GPAM: variants seen among roughly 807,000 people sequenced by gnomAD.
The protein encoded by GPAM is glycerol-3-phosphate acyltransferase, mitochondrial.
GPAM carries 56 observed loss-of-function variants against 105.0 expected under a neutral mutation model. The ratio of observed to expected loss-of-function variants is 0.53; its 90% confidence interval spans 0.43 to 0.67. The LOEUF is 0.67. GPAM is among the 30% of genes least tolerant of loss of function. The pLI is 0.00. For missense variants in GPAM, 855 were observed against 989.8 expected, an observed-to-expected ratio of 0.86 and a Z score of 1.83; for synonymous variants, 368 against 354.4, an observed-to-expected ratio of 1.04 and a Z score of -0.43.
upstream of GPAM, among the ~76,000 whole-genome samples, chr10:112,218,954 T>G (rs149293568): frequency 1.3e-5 from 2 of 152,232 alleles, no homozygotes; most frequent in Non-Finnish European, 2.9e-5. Context: ...GCGTCTTTAC[T>G]GCATCCTGTT....
At chr10:112,176,335 TCA>T (rs1163196733) in intron 5 of GPAM, among the ~76,000 whole-genome samples, 3 of 152,218 alleles carry the variant, frequency 2.0e-5, no homozygotes, top group Non-Finnish European at 4.4e-5. Context: ...CATATTCCTG[TCA>T]GTTATAAATG....
rs1846942703 is a variant in GPAM at position 112,152,743 on chromosome 10, G to A, written c.*807C>T. On this transcript the variant is annotated 3_prime_UTR_variant, in exon 22 of 22. Coordinates refer to ENST00000348367, the MANE Select transcript of GPAM (RefSeq NM_001244949.2). ...CGAGGTACAGACATAAAACAGGAAG[G>A]GTTCTAAATATATTTGCTGGTCATT... 1 of 953,114 alleles carries A rather than the reference G, an allele frequency of 1.0e-6. No individual in the cohort carries two copies. The highest frequency in any genetic ancestry group is 6.2e-5 in the Admixed American group (1 of 16,224). The allele number at this position is 953,114 out of a possible 1,614,324, so 59.0% of individuals were successfully genotyped here.
chr10:112,163,837 C>T, intron 13 of GPAM, 21 bp from the exon 14 acceptor site: 1 of 1,180,766 alleles, frequency 8.5e-7, no homozygotes, highest in Non-Finnish European at 1.3e-6. Context: ...TTTCAAAAAT[C>T]AACACACAAC....
intron 12 of GPAM, 140 bp from the exon 13 acceptor site, chr10:112,164,750 C>A: frequency 1.5e-6 from 1 of 660,956 alleles, no homozygotes; most frequent in Non-Finnish European, 2.7e-6. Context: ...CTTTCTATAT[C>A]CTAAACTGTC....
At chr10:112,220,679 G>T in the GPAM span, among the ~76,000 whole-genome samples, 1 of 152,080 alleles carries the variant, frequency 6.6e-6, no homozygotes, top group Non-Finnish European at 1.5e-5. Context: ...CTTTGCTGCA[G>T]CTATCTTCTG....
chr10:112,214,808 C>T (rs560527166), intron 1 of GPAM, among the ~76,000 whole-genome samples: 1 of 152,318 alleles, frequency 6.6e-6, no homozygotes, highest in Non-Finnish European at 1.5e-5. Context: ...TTTTCATAAA[C>T]TGTCCAAAAC....
chr10:112,224,900 A>G, the GPAM span, among the ~76,000 whole-genome samples: 43 of 152,194 alleles, frequency 2.8e-4, no homozygotes, highest in African/African-American at 9.9e-4. Context: ...CTCCAGGATC[A>G]CCTCTTTGTT....
chr10:112,178,145 A>G, intron 4 of GPAM, 88 bp from the exon 5 acceptor site: 1 of 737,370 alleles, frequency 1.4e-6, no homozygotes, highest in East Asian at 2.5e-5. Context: ...TAACTTTAAT[A>G]TCAAGCATAA....
chr10:112,190,827 T>C (rs1280833562), intron 1 of GPAM, among the ~76,000 whole-genome samples: 2 of 152,172 alleles, frequency 1.3e-5, no homozygotes, highest in South Asian at 4.1e-4. Flanking sequence ...TTCCTTCTTT[T>C]AGAGAAGGCA....
intron 1 of GPAM, among the ~76,000 whole-genome samples, chr10:112,208,777 C>G (rs1055573671): frequency 3.3e-5 from 5 of 152,216 alleles, no homozygotes; most frequent in Admixed American, 1.3e-4. Context: ...TGCCAATCAA[C>G]TAACCCCATC....
At chr10:112,217,855 C>G (rs985621891), upstream of GPAM, among the ~76,000 whole-genome samples, 1 of 152,202 alleles carries the variant, frequency 6.6e-6, no homozygotes, top group African/African-American at 2.4e-5. Flanking sequence ...TCTTCACACA[C>G]AAAACAGGTC....
chr10:112,169,254 G>A (rs1239953581), intron 9 of GPAM, among the ~76,000 whole-genome samples: 1 of 152,100 alleles, frequency 6.6e-6, no homozygotes, highest in African/African-American at 2.4e-5. Flanking sequence ...ATTTTAAGAG[G>A]ATTATAGAAC....
At chr10:112,163,914 A>G in intron 13 of GPAM, 98 bp from the exon 14 acceptor site, 1 of 709,778 alleles carries the variant, frequency 1.4e-6, no homozygotes, top group Non-Finnish European at 2.6e-6. Flanking sequence ...TTAAATTACT[A>G]TATATTTTAA....
chr10:112,153,675 A>G lies in GPAM; in HGVS notation c.2371-9T>C. On this transcript the variant is annotated splice_polypyrimidine_tract_variant and intron_variant, in intron 21 of 21. Coordinates refer to ENST00000348367, the MANE Select transcript of GPAM (RefSeq NM_001244949.2). Reference sequence around the variant, plus strand: ...TTGGTCTCCTTGAAAACCTAAAGAAAAGGTTTAGATTAAATTAAAGGCAAA... The same window carrying G: ...TTGGTCTCCTTGAAAACCTAAAGAAGAGGTTTAGATTAAATTAAAGGCAAA... 1 of 1,607,364 alleles carries G rather than the reference A, an allele frequency of 6.2e-7. No homozygotes were observed. The highest frequency in any genetic ancestry group is 1.1e-5 in the South Asian group (1 of 90,908).
chr10:112,155,866 T>C lies in GPAM; in HGVS notation c.2309A>G (p.Tyr770Cys). ...ITRTERNVAV[Y>C]AESATYCLVK... ...GAATAAATAGTGACTTAACATACCA[T>C]ATACTGCAACATTTCTTTCTGTTCT... Residue 770 changes from tyrosine to cysteine, a missense_variant and splice_region_variant, in exon 20 of 22, where the codon TAT becomes TGT. Transcript: ENST00000348367. 2 of 1,516,320 alleles carry C rather than the reference T, an allele frequency of 1.3e-6. No homozygotes were observed. Among genetic ancestry groups the C allele is most frequent in the Non-Finnish European group, 1.8e-6 (2 of 1,092,574 alleles). 93.9% of individuals were successfully genotyped at this position (1,516,320 alleles called of 1,614,324 possible). A position where few individuals can be genotyped will look rare whatever the true frequency, so the allele number is the denominator to read the frequency against.
chr10:112,217,744 G>C (rs1003692528), upstream of GPAM, among the ~76,000 whole-genome samples: 1 of 152,148 alleles, frequency 6.6e-6, no homozygotes. Flanking sequence ...CCCTTTCAAA[G>C]ATGAGGTGCT....
At chr10:112,154,509 T>C in intron 21 of GPAM, 120 bp downstream of exon 21, 1 of 765,092 alleles carries the variant, frequency 1.3e-6, no homozygotes, top group South Asian at 1.5e-5. Context: ...CCTTTATCAT[T>C]AAGCCAGCAG....
At chr10:112,219,645 T>C (rs1368384098), upstream of GPAM, among the ~76,000 whole-genome samples, 1 of 152,248 alleles carries the variant, frequency 6.6e-6, no homozygotes, top group Non-Finnish European at 1.5e-5. Flanking sequence ...AGCTGTCACT[T>C]ATTACATTTT....
chr10:112,157,164 C>A (rs1847031973), intron 19 of GPAM, 85 bp downstream of exon 19: 2 of 1,158,936 alleles, frequency 1.7e-6, no homozygotes, highest in Non-Finnish European at 2.6e-6. Context: ...GATAAGAAGA[C>A]ATCACCAGGA....
Sources: allele counts gnomAD v4.1 joint callset (sites outside exome capture counted in the v4.1 genomes callset), GRCh38; gene constraint gnomAD v4.1.1; transcripts MANE v1.5; gene names NCBI Gene and HGNC (gene_info 2026-07-23, HGNC 2026-07-21).